Variants in PIK3CB observed in about 807,000 individuals in gnomAD.
PIK3CB encodes the protein phosphatidylinositol 4,5-bisphosphate 3-kinase catalytic subunit beta isoform.
In PIK3CB, 39 loss-of-function variants were observed where a neutral mutation model predicts 136.8. That is an observed-to-expected ratio of 0.29 (90% CI 0.22 to 0.37). PIK3CB has a LOEUF of 0.37. Ranked by LOEUF, PIK3CB falls within the 10% of genes least tolerant of loss-of-function variation. PIK3CB has a pLI of 1.00. For missense variants in PIK3CB, 868 were observed against 1,275.4 expected (o/e 0.68, Z 4.87); for synonymous variants, 428 against 436.6 (o/e 0.98, Z 0.25).
rs373262346 is a variant in PIK3CB, at chr3:138,742,767, C to G, written c.412G>C (p.Asp138His). Residue 138 changes from aspartate to histidine, a missense_variant, in exon 5 of 24, where the codon GAT becomes CAT. Physicochemically the swap from Asp to His is moderately conservative, Grantham distance 81 (BLOSUM62 -1). This residue lies in a region of PIK3CB where 612 missense variants were observed against 801.1 expected (regional missense o/e 0.76). Coordinates refer to ENST00000674063, the MANE Select transcript of PIK3CB (RefSeq NM_006219.3). ...TTTACTTCAGGATCCTTCAAGGAAT[C>G]AAATTCATGCAGACCTAAACACATT... Reference protein sequence around the residue: ...VLIGKGLHEFDSLKDPEVNEF... With the variant: ...VLIGKGLHEFHSLKDPEVNEF... The G allele has an allele frequency of 4.3e-5, 69 of 1,603,516 alleles. No individual in the cohort carries two copies. The highest frequency in any genetic ancestry group is 5.7e-5 in the Non-Finnish European group (67 of 1,172,154).
chr3:138,683,503 A>AG (rs1182958594), intron 18 of PIK3CB, among the ~76,000 whole-genome samples, 175 bp downstream of exon 18: 8 of 151,968 alleles, frequency 5.3e-5, no homozygotes, highest in Admixed American at 5.2e-4. Context: ...ATTTTATAAG[A>AG]GGGGGAAAAA....
rs536172435 is a variant in PIK3CB at position 138,813,110 on chromosome 3, C to T, written c.-121-16543G>A. 2.6e-5 allele frequency among the ~76,000 whole-genome samples: 4 copies of T among 152,074 alleles called. No individual in the cohort carries two copies. The South Asian group carries it at 8.3e-4, about 32-fold the overall frequency. ...CAACTGCATGTGAATCTACAATTAC[C>T]TCAAAATAAGAAAAAAAAATTTTTT... On this transcript the variant is annotated intron_variant, in intron 1 of 23. Transcript: ENST00000674063.
intron 2 of PIK3CB, among the ~76,000 whole-genome samples, chr3:138,788,024 A>G (rs2046001201): frequency 6.6e-6 from 1 of 151,460 alleles, no homozygotes; most frequent in South Asian, 2.1e-4. Flanking sequence ...CCAGGTTCAA[A>G]CGATTCTCCT....
At chr3:138,758,603 C>T (rs1205091616) in intron 3 of PIK3CB, among the ~76,000 whole-genome samples, 1 of 152,136 alleles carries the variant, frequency 6.6e-6, no homozygotes, top group East Asian at 1.9e-4. Flanking sequence ...AGTTAAGAGG[C>T]TTGTCCAAAG....
At chr3:138,808,966 A>T (rs1348509958) in intron 1 of PIK3CB, among the ~76,000 whole-genome samples, 3 of 151,980 alleles carry the variant, frequency 2.0e-5, no homozygotes, top group Non-Finnish European at 4.4e-5. Flanking sequence ...TGAAAAAAAA[A>T]TTGGGTAAGC....
intron 1 of PIK3CB, among the ~76,000 whole-genome samples, chr3:138,823,655 A>T (rs997988938): frequency 2.0e-5 from 3 of 152,154 alleles, no homozygotes; most frequent in African/African-American, 7.2e-5. Context: ...GTGAGCCGAG[A>T]TGGCGCCACT....
At chr3:138,776,912 G>A in intron 2 of PIK3CB, among the ~76,000 whole-genome samples, 1 of 107,504 alleles carries the variant, frequency 9.3e-6, no homozygotes, top group African/African-American at 4.4e-5. Context: ...GACAGAGTGA[G>A]ACTCTACCTC....
At chr3:138,812,704 T>A (rs893353248) in intron 1 of PIK3CB, among the ~76,000 whole-genome samples, 4 of 151,978 alleles carry the variant, frequency 2.6e-5, no homozygotes, top group African/African-American at 9.7e-5. Context: ...ATTTTTTGTA[T>A]TTTTAGAAGA....
At chr3:138,722,732 C>T (rs1315758834) in intron 8 of PIK3CB, among the ~76,000 whole-genome samples, 1 of 148,796 alleles carries the variant, frequency 6.7e-6, no homozygotes, top group South Asian at 2.1e-4. Context: ...TTATAATGGG[C>T]TAAAAAAAAG....
chr3:138,740,321 G>A lies in PIK3CB; in HGVS notation c.621+2237C>T, dbSNP rs577981371. On this transcript the variant is annotated intron_variant, in intron 5 of 23. Coordinates refer to ENST00000674063, the MANE Select transcript of PIK3CB (RefSeq NM_006219.3). Reference sequence around the variant, plus strand: ...TGCAGTGAGCCTAGCTCATGCTACTGCACTGCAGCCTGGACGACAAAGTGA... The same window carrying A: ...TGCAGTGAGCCTAGCTCATGCTACTACACTGCAGCCTGGACGACAAAGTGA... 4.6e-5 allele frequency among the ~76,000 whole-genome samples: 7 copies of A among 152,348 alleles called. No individual in the cohort carries two copies. The East Asian group carries it at 1.2e-3, about 25-fold the overall frequency.
chr3:138,698,898 T>G lies in PIK3CB; in HGVS notation c.1770+9A>C. On this transcript the variant is annotated intron_variant, in intron 13 of 23. Transcript: ENST00000674063. ...CCCAAAAAAAGTTATAGAAACGATC[T>G]TTTGTTACCTGAGCAACATCCTCAA... is the stretch of plus-strand genomic sequence containing the variant. 6.4e-7 allele frequency: 1 copy of G among 1,571,244 alleles called. No homozygotes were observed. The highest frequency in any genetic ancestry group is 1.7e-4 in the Middle Eastern group (1 of 5,888).
intron 19 of PIK3CB, among the ~76,000 whole-genome samples, chr3:138,667,018 G>A (rs2043424727): frequency 6.6e-6 from 1 of 151,990 alleles, no homozygotes. Context: ...CAGCAGATCT[G>A]GCCAACATGG....
intron 11 of PIK3CB, among the ~76,000 whole-genome samples, chr3:138,705,201 ACTTAT>A (rs2044354789): frequency 7.0e-6 from 1 of 142,198 alleles, no homozygotes; most frequent in African/African-American, 2.6e-5. Context: ...AAAAAAAAAA[ACTTAT>A]ATTTGCAAAT....
At chr3:138,772,338 G>A (rs1170233478) in intron 2 of PIK3CB, among the ~76,000 whole-genome samples, 1 of 152,066 alleles carries the variant, frequency 6.6e-6, no homozygotes, top group African/African-American at 2.4e-5. Flanking sequence ...CTTTAATGAT[G>A]GCATACAGTT....
intron 8 of PIK3CB, among the ~76,000 whole-genome samples, chr3:138,727,239 A>G (rs2044858659): frequency 6.6e-6 from 1 of 152,188 alleles, no homozygotes; most frequent in Admixed American, 6.5e-5. Context: ...TGTGTCCTAT[A>G]TGATCTCTCA....
At chr3:138,756,575 T>C (rs555655553) in intron 3 of PIK3CB, among the ~76,000 whole-genome samples, 61 of 152,326 alleles carry the variant, frequency 4.0e-4, no homozygotes, top group Non-Finnish European at 6.8e-4. Flanking sequence ...TCTCTTTCCA[T>C]GTCTCCTGGA....
At chr3:138,758,288 T>C (rs1242637213) in intron 3 of PIK3CB, among the ~76,000 whole-genome samples, 1 of 152,134 alleles carries the variant, frequency 6.6e-6, no homozygotes, top group African/African-American at 2.4e-5. Flanking sequence ...AAGTTTCTGT[T>C]TGGGATGATG....
At position 138,742,747 on chromosome 3, in the gene PIK3CB, T is replaced by C. The variant is rs1484149187; in HGVS notation, c.432A>G (p.Glu144=). 2 of 1,612,308 alleles carry C rather than the reference T, an allele frequency of 1.2e-6. No individual in the cohort carries two copies. The highest frequency in any genetic ancestry group is 1.7e-6 in the Non-Finnish European group (2 of 1,178,872). ...LHEFDSLKDP[E]VNEFRRKMRK... is the part of the protein sequence containing the mutation. ...GCATTTTTCTTCGAAATTCATTTAC[T>C]TCAGGATCCTTCAAGGAATCAAATT... Residue 144 remains glutamate, a synonymous_variant, in exon 5 of 24, where the codon GAA becomes GAG. Transcript: ENST00000674063.
intron 1 of PIK3CB, among the ~76,000 whole-genome samples, chr3:138,811,561 G>A (rs542225734): frequency 5.3e-5 from 8 of 151,780 alleles, no homozygotes; most frequent in African/African-American, 1.4e-4. Flanking sequence ...GAGTAGCTGA[G>A]ATTACAGGCG....
Sources: gnomAD v4.1 joint callset for allele counts (sites outside exome capture counted in the v4.1 genomes callset) on GRCh38, gnomAD v4.1.1 for gene constraint, gnomAD v4.1.1 regional missense constraint, MANE v1.5 for transcripts, NCBI Gene and HGNC (gene_info 2026-07-23, HGNC 2026-07-21) for gene names.